Variants in PDE6B observed in about 807,000 individuals in gnomAD.
PDE6B encodes the protein phosphodiesterase 6B.
In PDE6B, 106 loss-of-function variants were observed where a neutral mutation model predicts 109.0. The observed-to-expected ratio is 0.97, with a 90% confidence interval of 0.83 to 1.14. PDE6B has a LOEUF of 1.14. PDE6B is among the 50% of genes most tolerant of loss of function. The probability of loss-of-function intolerance (pLI) is 0.00; values close to 1 mark genes in which losing one functional copy is unlikely to be tolerated. For synonymous variants in PDE6B, 490 were observed against 471.3 expected, an observed-to-expected ratio of 1.04 and a Z score of -0.51; for missense variants, 1,193 against 1,155.6, an observed-to-expected ratio of 1.03 and a Z score of -0.47.
chr4:661,124 G>A, intron 12 of PDE6B: 1 of 154,436 alleles, frequency 6.5e-6, no homozygotes, highest in East Asian at 1.9e-4. Flanking sequence ...AGTGATAGAT[G>A]AGTAGGTGGG....
In PDE6B at chr4:657,447, G is replaced by A; in HGVS notation, c.1354G>A (p.Val452Ile). The A allele has an allele frequency of 6.2e-7, 1 of 1,613,452 alleles. No homozygotes were observed. The highest frequency in any genetic ancestry group is 1.1e-5 in the South Asian group (1 of 91,086). The change falls in exon 10 of 22, where the codon GTC (valine) becomes ATC (isoleucine). Residue 452 changes from valine (V) to isoleucine (I), a missense_variant. Transcript: ENST00000496514. ...ENRKDIAQDM[V>I]LYHVKCDRDE... ...CCGCAAGGACATCGCACAGGACATGGTCCTTTACCACGTGAAGTGCGACAG... is the reference window on the plus strand; with the variant it reads ...CCGCAAGGACATCGCACAGGACATGATCCTTTACCACGTGAAGTGCGACAG...
chr4:663,823 C>T lies in PDE6B; in HGVS notation c.1974C>T (p.His658=). The T allele has an allele frequency of 1.2e-6, 2 of 1,612,570 alleles. No homozygotes were observed. The highest frequency in any genetic ancestry group is 1.7e-6 in the Non-Finnish European group (2 of 1,179,538). Residue 658 remains histidine (H), a synonymous_variant, in exon 16 of 22, where the codon CAC becomes CAT. Coordinates refer to ENST00000496514, the MANE Select transcript of PDE6B (RefSeq NM_000283.4). The surrounding 1 kb of genome is among the most constrained non-coding windows in gnomAD (Gnocchi z 4.0). ...LNRRQHEHVI[H]LMDIAIIATD... is the part of the protein sequence containing the mutation. Reference sequence around the variant, plus strand: ...GGCGGCAGCACGAGCACGTGATCCACCTGATGGACATCGCCATCATCGCCA... The same window carrying T: ...GGCGGCAGCACGAGCACGTGATCCATCTGATGGACATCGCCATCATCGCCA...
chr4:635,828 A>G, intron 2 of PDE6B, 52 bp from the exon 3 acceptor site: 1 of 936,870 alleles, frequency 1.1e-6, no homozygotes, highest in Non-Finnish European at 1.8e-6. Flanking sequence ...CCACGGGGGC[A>G]CATGTCTGAA....
Position 665,558 on chromosome 4 carries a change from A to C in PDE6B, c.2268+229A>C, listed in dbSNP as rs565142241. 6.6e-6 allele frequency among the ~76,000 whole-genome samples: 1 copy of C among 152,152 alleles called. No homozygotes were observed. The highest frequency in any genetic ancestry group is 2.4e-5 in the African/African-American group (1 of 41,514). On this transcript the variant is annotated intron_variant, in intron 19 of 21. Coordinates refer to ENST00000496514, the MANE Select transcript of PDE6B (RefSeq NM_000283.4). The surrounding 1 kb of genome is among the most constrained non-coding windows in gnomAD (Gnocchi z 4.0). The stretch of plus-strand genomic sequence containing the variant: ...AGGTGACGTCGTTGGCACTGGAGGA[A>C]CCAGGGCCACCCGCTCATCACCAGG...
chr4:668,291 C>T (rs2109285699), intron 21 of PDE6B, among the ~76,000 whole-genome samples: 1 of 152,054 alleles, frequency 6.6e-6, no homozygotes, highest in South Asian at 2.1e-4. Flanking sequence ...TTATAAAGGA[C>T]TTAGTTGCAA....
At chr4:638,600 A>C (rs535715241) in intron 3 of PDE6B, among the ~76,000 whole-genome samples, 287 of 152,242 alleles carry the variant, frequency 1.9e-3, no homozygotes, top group African/African-American at 6.6e-3. Context: ...TGTGATTACA[A>C]GTGTAAGCCA....
At chr4:656,680 A>G (rs1487700490) in intron 8 of PDE6B, among the ~76,000 whole-genome samples, 194 bp from the exon 9 acceptor site, 1 of 152,224 alleles carries the variant, frequency 6.6e-6, no homozygotes, top group Non-Finnish European at 1.5e-5. Context: ...GTGGGAAAAT[A>G]TCATGACACA....
intron 21 of PDE6B, 99 bp downstream of exon 21, chr4:668,105 G>T: frequency 8.0e-7 from 1 of 1,247,254 alleles, no homozygotes; most frequent in Non-Finnish European, 1.1e-6. Context: ...GAGAAAAGCA[G>T]AGCCACTTTC....
Position 659,668 on chromosome 4 carries a change from ATG to A in PDE6B, c.1467+658_1467+659del, listed in dbSNP as rs200727605. ...TGTGTGCACATGTGTGCCCACGAGT[ATG>A]TGTGTGCATGTGTGTGCACATGGGC... On this transcript the variant is annotated intron_variant, in intron 11 of 21. Transcript: ENST00000496514. 1.0e-2 allele frequency among the ~76,000 whole-genome samples: 1,462 copies of A among 146,444 alleles called. 22 individuals are homozygous for A. The highest frequency in any genetic ancestry group is 0.035 in the African/African-American group (1,361 of 39,268).
rs140118694 is a variant in PDE6B at position 654,138 on chromosome 4, G to A, written c.911G>A (p.Arg304His). The A allele has an allele frequency of 1.2e-5, 19 of 1,613,614 alleles. No homozygotes were observed. The highest frequency in any genetic ancestry group is 6.7e-5 in the African/African-American group (5 of 75,050). The change falls in exon 5 of 22, where the codon CGC becomes CAC. Residue 304 changes from arginine to histidine, a missense_variant. Coordinates refer to ENST00000496514, the MANE Select transcript of PDE6B (RefSeq NM_000283.4). Reference protein sequence around the residue: ...MGESQPYSGPRTPDGREIVFY... With the variant: ...MGESQPYSGPHTPDGREIVFY... Reference sequence around the variant, plus strand: ...GAGTCCCAGCCGTACTCGGGCCCACGCACGCCTGATGGCCGGGTGAGTCTT... The same window carrying A: ...GAGTCCCAGCCGTACTCGGGCCCACACACGCCTGATGGCCGGGTGAGTCTT...
chr4:663,172 C>G lies in PDE6B; in HGVS notation c.1905C>G (p.Phe635Leu). The stretch of plus-strand genomic sequence containing the variant: ...GGCACCACCTGGAGTTTGGGAAGTT[C>G]CTGCTCTCGGAGGAGGTTGGTATAC... ...LERHHLEFGK[F>L]LLSEETLNIY... The change falls in exon 15 of 22, where the codon TTC becomes TTG. Residue 635 changes from phenylalanine to leucine, a missense_variant. Coordinates refer to ENST00000496514, the MANE Select transcript of PDE6B (RefSeq NM_000283.4). This position sits in a 1 kb window ranked among gnomAD's most constrained non-coding sequence, Gnocchi z 4.0. The G allele has an allele frequency of 6.2e-7, 1 of 1,603,854 alleles. No homozygotes were observed. The highest frequency in any genetic ancestry group is 1.1e-5 in the South Asian group (1 of 90,872).
chr4:655,714 C>T (rs1282870288), intron 6 of PDE6B: 46 of 631,810 alleles, frequency 7.3e-5, no homozygotes, highest in South Asian at 5.8e-4. Flanking sequence ...CCTGCACACA[C>T]GCCCAGTCCA....
Position 660,556 on chromosome 4 carries a change from T to C in PDE6B, c.1557T>C (p.Cys519=). The C allele has an allele frequency of 1.2e-6, 2 of 1,613,818 alleles. No individual in the cohort carries two copies. Among genetic ancestry groups the C allele is most frequent in the Non-Finnish European group, 1.7e-6 (2 of 1,179,896 alleles). ...LECTELDLVK[C]GIQMYYELGV... is the part of the protein sequence containing the mutation. Reference sequence around the variant, plus strand: ...GCACCGAACTGGACCTGGTCAAATGTGGCATCCAGATGTACTACGAGCTGG... The same window carrying C: ...GCACCGAACTGGACCTGGTCAAATGCGGCATCCAGATGTACTACGAGCTGG... Residue 519 remains cysteine, a synonymous_variant, in exon 12 of 22, where the codon TGT becomes TGC. Coordinates refer to ENST00000496514, the MANE Select transcript of PDE6B (RefSeq NM_000283.4).
chr4:669,243 C>A (rs76694272), intron 21 of PDE6B, among the ~76,000 whole-genome samples: 1 of 18,838 alleles, frequency 5.3e-5, no homozygotes, highest in Non-Finnish European at 1.4e-4. Flanking sequence ...CCCTATGCTG[C>A]TCCCACTACC....
intron 3 of PDE6B, among the ~76,000 whole-genome samples, chr4:646,700 C>G (rs1735220581): frequency 6.6e-6 from 1 of 152,062 alleles, no homozygotes; most frequent in African/African-American, 2.4e-5. Context: ...GCGCAGCCTC[C>G]GGCCGGGCGG....
At position 634,847 on chromosome 4, in the gene PDE6B, C is replaced by T. The variant is rs777676459; in HGVS notation, c.621+18C>T. 6.2e-7 allele frequency: 1 copy of T among 1,612,002 alleles called. No individual in the cohort carries two copies. Among genetic ancestry groups the T allele is most frequent in the East Asian group, 2.2e-5 (1 of 44,864 alleles). On this transcript the variant is annotated intron_variant, in intron 2 of 21. Transcript: ENST00000496514. ...ACGAAGATGTGAGTGTGGGGGGCAC[C>T]TGGGCAGCCGCGCGTCTGCCTCCCT...
chr4:670,411 T>A lies in PDE6B; in HGVS notation c.*304T>A. ...GCGCCCACCACCACACATGGCTAAT[T>A]TTTGTATTTTCAGTACAGATGGGGT... is the stretch of plus-strand genomic sequence containing the variant. On this transcript the variant is annotated 3_prime_UTR_variant, in exon 22 of 22. Coordinates refer to ENST00000496514, the MANE Select transcript of PDE6B (RefSeq NM_000283.4). 1 of 354,308 alleles carries A rather than the reference T, an allele frequency of 2.8e-6. No homozygotes were observed. The highest frequency in any genetic ancestry group is 5.4e-6 in the Non-Finnish European group (1 of 185,796). 21.9% of individuals were successfully genotyped at this position (354,308 alleles called of 1,614,324 possible). A position where few individuals can be genotyped will look rare whatever the true frequency, so the allele number is the denominator to read the frequency against.
chr4:637,926 C>T (rs1007447729), intron 3 of PDE6B, among the ~76,000 whole-genome samples: 1 of 151,270 alleles, frequency 6.6e-6, no homozygotes, highest in Admixed American at 6.6e-5. Flanking sequence ...TGTCTGATAC[C>T]AGCGCAGGGG....
Position 636,201 on chromosome 4 carries a change from C to T in PDE6B, c.711+232C>T, listed in dbSNP as rs1209457791. Among the ~76,000 whole-genome samples, 1 of 152,188 alleles carries T rather than the reference C, an allele frequency of 6.6e-6. No individual in the cohort carries two copies. Among genetic ancestry groups the T allele is most frequent in the Admixed American group, 6.5e-5 (1 of 15,282 alleles). The stretch of plus-strand genomic sequence containing the variant: ...CCATCTGGCCAGAGTGGGTGTGAGG[C>T]ACCTGCAGAGGGGGAAAGGGGCACC... On this transcript the variant is annotated intron_variant, in intron 3 of 21. Transcript: ENST00000496514. This position sits in a 1 kb window ranked among gnomAD's most constrained non-coding sequence, Gnocchi z 4.5.
Sources: gnomAD v4.1 joint callset for allele counts (sites outside exome capture counted in the v4.1 genomes callset) on GRCh38, gnomAD v4.1.1 for gene constraint, Gnocchi (gnomAD v3.1) non-coding constraint, MANE v1.5 for transcripts, NCBI Gene and HGNC (gene_info 2026-07-23, HGNC 2026-07-21) for gene names.